The following HEATR4 variants were observed in gnomAD, a reference collection of about 807,000 sequenced individuals.
HEATR4 encodes HEAT repeat-containing protein 4.
A neutral mutation model predicts 108.8 loss-of-function variants in HEATR4; 95 were observed. The observed-to-expected ratio is 0.87, with a 90% CI of 0.74 to 1.04. The LOEUF (loss-of-function observed/expected upper bound fraction) is 1.04, where lower values mean the gene tolerates loss of function less well. Ranked by LOEUF, HEATR4 falls within the 50% of genes least tolerant of loss-of-function variation. The pLI is 0.00. For missense variants in HEATR4, 1,152 were observed against 1,253.8 expected (o/e 0.92, Z 1.23); for synonymous variants, 443 against 459.4 (o/e 0.96, Z 0.46).
chr14:73,498,614 G>A (rs975259351), intron 13 of HEATR4, among the ~76,000 whole-genome samples: 1 of 152,208 alleles, frequency 6.6e-6, no homozygotes, highest in African/African-American at 2.4e-5. Flanking sequence ...CCAGCAGGGT[G>A]ATGGGGAAAG....
intron 17 of HEATR4, among the ~76,000 whole-genome samples, chr14:73,482,757 A>T (rs1885306255): frequency 6.6e-6 from 1 of 152,090 alleles, no homozygotes; most frequent in Non-Finnish European, 1.5e-5. Flanking sequence ...TCCAAATTCA[A>T]GCTTCTTTTA....
chr14:73,576,999 C>T, the HEATR4 span, among the ~76,000 whole-genome samples: 22 of 147,804 alleles, frequency 1.5e-4, no homozygotes, highest in Middle Eastern at 3.5e-3. Context: ...GGCACAGTCA[C>T]GGCTCACTGC....
chr14:73,518,903 G>A, intron 5 of HEATR4, 120 bp downstream of exon 5: 1 of 923,670 alleles, frequency 1.1e-6, no homozygotes, highest in Non-Finnish European at 1.6e-6. Flanking sequence ...GGATTGCCTA[G>A]ATGCTAATGG....
intron 7 of HEATR4, among the ~76,000 whole-genome samples, chr14:73,510,047 GA>G (rs1887143861): frequency 6.7e-6 from 1 of 150,188 alleles, no homozygotes; most frequent in Admixed American, 6.7e-5. Flanking sequence ...ATTCTTAGTA[GA>G]GATGGGATTT....
intron 17 of HEATR4, chr14:73,491,345 C>A: frequency 6.9e-7 from 1 of 1,441,500 alleles, no homozygotes; most frequent in Non-Finnish European, 9.1e-7. Context: ...GGAGGCCTCG[C>A]CCGCCGCGCG....
chr14:73,501,319 GT>G (rs1886444813), intron 11 of HEATR4, among the ~76,000 whole-genome samples: 1 of 152,004 alleles, frequency 6.6e-6, no homozygotes, highest in Non-Finnish European at 1.5e-5. Flanking sequence ...TAGAGATGGG[GT>G]TTCACTATGT....
chr14:73,569,622 C>T, the HEATR4 span: 1 of 1,600,932 alleles, frequency 6.2e-7, no homozygotes, highest in Non-Finnish European at 8.5e-7. Flanking sequence ...GGAGCGCGCG[C>T]CCGCGCTGGG....
rs781546329 is a variant in HEATR4 at position 73,508,209 on chromosome 14, G to T, written c.1806C>A (p.His602Gln). 6.2e-7 allele frequency: 1 copy of T among 1,613,942 alleles called. No individual in the cohort carries two copies. The part of the protein sequence containing the change: ...ATYPVIKRIL[H>Q]QLFTKKNEDT... ...CCTCATTCTTCTTTGTAAACAGCTG[G>T]TGGAGGATCCTCTTAATCACAGGGT... The change falls in exon 9 of 18, where the codon CAC becomes CAA. Residue 602 changes from histidine to glutamine, a missense_variant. By Grantham distance (24) the His-to-Gln change is conservative. Transcript: ENST00000553558.
At chr14:73,594,139 T>C in the HEATR4 span, among the ~76,000 whole-genome samples, 1 of 152,228 alleles carries the variant, frequency 6.6e-6, no homozygotes, top group Non-Finnish European at 1.5e-5. Context: ...TATCTGTATA[T>C]TGCAAATTGA....
At chr14:73,509,547 C>T in intron 7 of HEATR4, 74 bp from the exon 8 acceptor site, 2 of 1,498,298 alleles carry the variant, frequency 1.3e-6, no homozygotes, top group East Asian at 4.5e-5. Context: ...TTCCTACAGC[C>T]ATGTGGTGGC....
At position 73,546,389 on chromosome 14, in the gene HEATR4, T is replaced by G. The variant is rs1422335000; in HGVS notation, c.-152+12362A>C. 3.7e-5 allele frequency among the ~76,000 whole-genome samples: 4 copies of G among 107,526 alleles called. 1 individual carries two copies. The highest frequency in any genetic ancestry group is 6.0e-5 in the Non-Finnish European group (3 of 50,146). 70.5% of individuals were successfully genotyped at this position (107,526 alleles called of 152,430 possible). On this transcript the variant is annotated intron_variant, in intron 1 of 17. Transcript: ENST00000553558. ...TTTTTTTTTTTTTTGAGACGAGATCTAACTCTCACCCAGGCTAGAGTGCAG... is the reference window on the plus strand; with the variant it reads ...TTTTTTTTTTTTTTGAGACGAGATCGAACTCTCACCCAGGCTAGAGTGCAG...
rs969568497 is a variant in HEATR4, at chr14:73,498,018, T to C, written c.2546+137A>G. On this transcript the variant is annotated intron_variant, in intron 14 of 17. Transcript: ENST00000553558. ...CCAGTTTTTCAGTTACCTACTTGGG[T>C]GAGTGGTGAATGTGCAGGTGAACCA... The C allele has an allele frequency of 2.9e-5, 21 of 713,810 alleles. No homozygotes were observed. In the African/African-American group the frequency reaches 3.4e-4, roughly 11 times the overall value. 44.2% of individuals were successfully genotyped at this position (713,810 alleles called of 1,614,324 possible).
rs555922656 is a variant in HEATR4, at chr14:73,537,005, A to C, written c.-151-6761T>G. 142 of 117,596 alleles carry C rather than the reference A, an allele frequency of 1.2e-3. 30 individuals are homozygous for C. In the South Asian group the frequency reaches 0.04, roughly 33 times the overall value. 7.3% of individuals were successfully genotyped at this position (117,596 alleles called of 1,614,324 possible). A position where few individuals can be genotyped will look rare whatever the true frequency, so the allele number is the denominator to read the frequency against. ...GTTGTTGTTTTTTTTTTTTTCTGAG[A>C]CGGACTTTCGCTCTGTCGCCCAGGC... On this transcript the variant is annotated intron_variant, in intron 1 of 17. Coordinates refer to ENST00000553558, the MANE Select transcript of HEATR4 (RefSeq NM_001220484.1).
the HEATR4 span, among the ~76,000 whole-genome samples, chr14:73,590,044 C>T: frequency 1.7e-4 from 26 of 152,272 alleles, no homozygotes; most frequent in African/African-American, 6.3e-4. Flanking sequence ...AACTGAGCTA[C>T]CTTTATTACA....
Position 73,552,313 on chromosome 14 carries a change from C to G in HEATR4, c.-152+6438G>C, listed in dbSNP as rs1370877436. Among the ~76,000 whole-genome samples the G allele has an allele frequency of 5.4e-5, 5 of 93,002 alleles. 2 individuals carry two copies. Among genetic ancestry groups the G allele is most frequent in the Non-Finnish European group, 1.1e-4 (5 of 45,466 alleles). 61.0% of individuals were successfully genotyped at this position (93,002 alleles called of 152,430 possible). ...AAGGAGATGGATTTGAGGGTCTCCTCCCATCTCCTTGCTAGGTGCCCTGTG... is the reference window on the plus strand; with the variant it reads ...AAGGAGATGGATTTGAGGGTCTCCTGCCATCTCCTTGCTAGGTGCCCTGTG... On this transcript the variant is annotated intron_variant, in intron 1 of 17. Coordinates refer to ENST00000553558, the MANE Select transcript of HEATR4 (RefSeq NM_001220484.1).
At chr14:73,606,241 A>G in the HEATR4 span, among the ~76,000 whole-genome samples, 1 of 152,144 alleles carries the variant, frequency 6.6e-6, no homozygotes, top group Non-Finnish European at 1.5e-5. Flanking sequence ...CTGTAATCCC[A>G]GCTACTCGGG....
intron 17 of HEATR4, among the ~76,000 whole-genome samples, chr14:73,480,210 G>A (rs1885193326): frequency 1.3e-5 from 2 of 152,178 alleles, no homozygotes; most frequent in Non-Finnish European, 2.9e-5. Context: ...GGGAGGCCAA[G>A]GCAGGCAGCT....
At position 73,549,979 on chromosome 14, in the gene HEATR4, G is replaced by T. The variant is rs1170522007; in HGVS notation, c.-152+8772C>A. The stretch of plus-strand genomic sequence containing the variant: ...CAACTTTATAAAATTAATCAGGGGA[G>T]AAGGGAGGGGCGAAATGGAAATCAG... On this transcript the variant is annotated intron_variant, in intron 1 of 17. Transcript: ENST00000553558. 7.8e-3 allele frequency among the ~76,000 whole-genome samples: 655 copies of T among 83,822 alleles called. 2 individuals carry two copies. The highest frequency in any genetic ancestry group is 0.024 in the African/African-American group (630 of 26,476). The allele number at this position is 83,822 out of a possible 152,430, so 55.0% of individuals were successfully genotyped here.
At chr14:73,509,552 G>T in intron 7 of HEATR4, 79 bp from the exon 8 acceptor site, 1 of 1,472,780 alleles carries the variant, frequency 6.8e-7, no homozygotes, top group East Asian at 2.3e-5. Flanking sequence ...ACAGCCATGT[G>T]GTGGCCAACC....
Sources: gnomAD v4.1 joint callset for allele counts (sites outside exome capture counted in the v4.1 genomes callset) on GRCh38, gnomAD v4.1.1 for gene constraint, MANE v1.5 for transcripts, NCBI Gene and HGNC (gene_info 2026-07-23, HGNC 2026-07-21) for gene names.